Variants in ECT2 observed in about 807,000 individuals in gnomAD.
ECT2 encodes protein ECT2.
ECT2 carries 61 observed loss-of-function variants against 116.9 expected under a neutral mutation model. The ratio of observed to expected loss-of-function variants is 0.52; its 90% CI spans 0.42 to 0.65. The LOEUF (loss-of-function observed/expected upper bound fraction) is 0.65, where lower values mean the gene tolerates loss of function less well. ECT2 is among the 30% of genes least tolerant of loss of function. The probability of loss-of-function intolerance (pLI) is 0.00; values close to 1 mark genes in which losing one functional copy is unlikely to be tolerated. For missense variants in ECT2, 937 were observed against 1,078.7 expected, an observed-to-expected ratio of 0.87 and a Z score of 1.84; for synonymous variants, 358 against 346.4, an observed-to-expected ratio of 1.03 and a Z score of -0.37.
chr3:172,802,923 G>A lies in ECT2; in HGVS notation c.2049G>A (p.Glu683=). 3.1e-6 allele frequency: 5 copies of A among 1,613,192 alleles called. No individual in the cohort carries two copies. The highest frequency in any genetic ancestry group is 4.2e-6 in the Non-Finnish European group (5 of 1,179,512). The change falls in exon 20 of 25, where the codon GAG becomes GAA. Residue 683 remains glutamate (E), a synonymous_variant. Transcript: ENST00000392692. ...VQRVETISLG[E]HPCDRGEQVT... ...GGGTTGAAACAATTTCTCTAGGTGA[G>A]CACCCCTGTGACAGAGGAGAACAAG...
At chr3:172,781,649 C>T (rs950812611) in intron 14 of ECT2, among the ~76,000 whole-genome samples, 1 of 152,150 alleles carries the variant, frequency 6.6e-6, no homozygotes, top group Non-Finnish European at 1.5e-5. Context: ...GAAGAATTAA[C>T]AAACTATGGT....
At chr3:172,814,395 A>G (rs1729317990) in intron 22 of ECT2, among the ~76,000 whole-genome samples, 1 of 152,106 alleles carries the variant, frequency 6.6e-6, no homozygotes, top group African/African-American at 2.4e-5. Context: ...TTCAGAAGAA[A>G]CAACTTTCAC....
chr3:172,772,281 C>A (rs1449907518), intron 13 of ECT2, among the ~76,000 whole-genome samples: 2 of 152,096 alleles, frequency 1.3e-5, no homozygotes, highest in Admixed American at 6.5e-5. Context: ...TGCAGAGCGC[C>A]TCCCAAGTTC....
At chr3:172,807,660 T>A (rs1728023725) in intron 21 of ECT2, 110 bp from the exon 22 acceptor site, 1 of 1,234,080 alleles carries the variant, frequency 8.1e-7, no homozygotes, top group Admixed American at 2.4e-5. Flanking sequence ...AGTGGAGAAG[T>A]GATAGTTCAT....
intron 12 of ECT2, among the ~76,000 whole-genome samples, chr3:172,766,113 C>T (rs73026497): frequency 0.022 from 3,404 of 152,136 alleles, 138 homozygotes; most frequent in African/African-American, 0.078. Context: ...ATCCTCAGAC[C>T]CTAGTATAAA....
chr3:172,819,840 A>G (rs1730440961), intron 24 of ECT2, among the ~76,000 whole-genome samples: 2 of 152,158 alleles, frequency 1.3e-5, no homozygotes, highest in Non-Finnish European at 2.9e-5. Flanking sequence ...GAAACACTGA[A>G]TCATTAATAT....
intron 15 of ECT2, 22 bp from the exon 16 acceptor site, chr3:172,783,776 GT>G: frequency 2.1e-6 from 3 of 1,449,414 alleles, no homozygotes; most frequent in South Asian, 1.2e-5. Flanking sequence ...AATAAATAAT[GT>G]TTTTTTCCCT....
intron 18 of ECT2, among the ~76,000 whole-genome samples, chr3:172,796,153 A>T (rs1365390092): frequency 6.6e-6 from 1 of 152,248 alleles, no homozygotes; most frequent in Non-Finnish European, 1.5e-5. Flanking sequence ...TTGTTCCAGT[A>T]TCAAAAAATT....
chr3:172,805,946 C>CTTTTTT, intron 21 of ECT2, 77 bp downstream of exon 21: 1 of 1,492,358 alleles, frequency 6.7e-7, no homozygotes, highest in African/African-American at 1.4e-5. Flanking sequence ...TCCATTTTGG[C>CTTTTTT]TTTTTTAAAT....
chr3:172,765,483 A>C (rs1719192142), intron 12 of ECT2, among the ~76,000 whole-genome samples: 1 of 152,128 alleles, frequency 6.6e-6, no homozygotes, highest in Non-Finnish European at 1.5e-5. Flanking sequence ...TCCATGTCTA[A>C]TAGATATCTT....
chr3:172,753,817 G>A (rs978182972), intron 1 of ECT2, among the ~76,000 whole-genome samples: 4 of 152,204 alleles, frequency 2.6e-5, no homozygotes, highest in African/African-American at 9.7e-5. Flanking sequence ...GTTAGGCGGG[G>A]ACCAAATTGT....
chr3:172,770,369 T>G (rs1219551287), intron 13 of ECT2, among the ~76,000 whole-genome samples: 1 of 152,224 alleles, frequency 6.6e-6, no homozygotes, highest in African/African-American at 2.4e-5. Flanking sequence ...ATCAATTAAA[T>G]TCACTAAAAC....
intron 24 of ECT2, among the ~76,000 whole-genome samples, chr3:172,817,425 G>A (rs1192918846): frequency 6.6e-6 from 1 of 151,964 alleles, no homozygotes; most frequent in African/African-American, 2.4e-5. Flanking sequence ...AAAGAAACGC[G>A]TTTCAATCTG....
intron 14 of ECT2, among the ~76,000 whole-genome samples, chr3:172,776,873 G>GT (rs34685201): frequency 0.15 from 21,578 of 143,826 alleles, 1,813 homozygotes; most frequent in Non-Finnish European, 0.21. Flanking sequence ...AAACGGGTTT[G>GT]TTTTTTTTTT....
rs574757206 is a variant in ECT2 at position 172,786,651 on chromosome 3, G to A, written c.1907+77G>A. 2.0e-5 allele frequency: 20 copies of A among 983,088 alleles called. No individual in the cohort carries two copies. The South Asian group carries it at 2.0e-4, about 10-fold the overall frequency. The allele number at this position is 983,088 out of a possible 1,614,324, so 60.9% of individuals were successfully genotyped here. A position where few individuals can be genotyped will look rare whatever the true frequency, so the allele number is the denominator to read the frequency against. On this transcript the variant is annotated intron_variant, in intron 18 of 24. Coordinates refer to ENST00000392692, the MANE Select transcript of ECT2 (RefSeq NM_001258315.2). ...TGATAGAAAACTAGAATCATAAATAGGAAAATATCAATAGCAAATTTTTGT... is the reference window on the plus strand; with the variant it reads ...TGATAGAAAACTAGAATCATAAATAAGAAAATATCAATAGCAAATTTTTGT...
Position 172,757,104 on chromosome 3 carries a change from A to G in ECT2, c.425A>G (p.Tyr142Cys), listed in dbSNP as rs748252196. 1.1e-5 allele frequency: 17 copies of G among 1,597,146 alleles called. No individual in the cohort carries two copies. The African/African-American group carries it at 1.5e-4, about 14-fold the overall frequency. The change falls in exon 5 of 25, where the codon TAC (tyrosine) becomes TGC (cysteine). Residue 142 changes from tyrosine to cysteine, a missense_variant. Physicochemically the swap from Tyr to Cys is radical, Grantham distance 194. Transcript: ENST00000392692. ...CAGGATTCTGTCTTTAATGACCTCT[A>G]CAAGGCTGATTGTAGAGTTATTGGA... ...DFQDSVFNDL[Y>C]KADCRVIGPP...
At chr3:172,767,890 C>T (rs574413891) in intron 12 of ECT2, among the ~76,000 whole-genome samples, 26 of 152,042 alleles carry the variant, frequency 1.7e-4, no homozygotes, top group South Asian at 8.3e-4. Context: ...TACCACCACG[C>T]CTAGCTAATT....
rs1391664232 is a variant in ECT2, at chr3:172,761,639, G to T, written c.714G>T (p.Met238Ile). Residue 238 changes from methionine to isoleucine, a missense_variant, in exon 8 of 25, where the codon ATG becomes ATT. Coordinates refer to ENST00000392692, the MANE Select transcript of ECT2 (RefSeq NM_001258315.2). ...RVAVSLGTPI[M>I]KPEWIYKAWE... ...CTGTGAGTCTAGGTACTCCAATTATGAAGCCAGAATGGATTTATAAAGCTT... is the reference window on the plus strand; with the variant it reads ...CTGTGAGTCTAGGTACTCCAATTATTAAGCCAGAATGGATTTATAAAGCTT... 1 of 1,611,500 alleles carries T rather than the reference G, an allele frequency of 6.2e-7. No homozygotes were observed.
At chr3:172,773,691 A>T (rs1265900441) in intron 13 of ECT2, among the ~76,000 whole-genome samples, 3 of 152,230 alleles carry the variant, frequency 2.0e-5, no homozygotes, top group Non-Finnish European at 4.4e-5. Flanking sequence ...ACATTTCATG[A>T]CGAGCATATG....
Sources: gnomAD v4.1 joint callset for allele counts (sites outside exome capture counted in the v4.1 genomes callset) on GRCh38, gnomAD v4.1.1 for gene constraint, MANE v1.5 for transcripts, NCBI Gene and HGNC (gene_info 2026-07-23, HGNC 2026-07-21) for gene names.